Variants in ATP9B observed in about 807,000 individuals in gnomAD.
ATP9B encodes the protein probable phospholipid-transporting ATPase IIB.
ATP9B carries 110 observed loss-of-function variants against 146.1 expected under a neutral mutation model. The ratio of observed to expected loss-of-function variants is 0.75; its 90% CI spans 0.65 to 0.88. ATP9B has a LOEUF of 0.88. Among genes scored for constraint, ATP9B ranks in the 40% least tolerant of loss-of-function variants. The pLI, the probability that ATP9B is intolerant of heterozygous loss-of-function variation, is 0.00. For missense variants in ATP9B, 1,499 were observed against 1,496.4 expected, an observed-to-expected ratio of 1.00 and a Z score of -0.03; for synonymous variants, 604 against 569.7, an observed-to-expected ratio of 1.06 and a Z score of -0.86.
At chr18:79,207,603 G>A (rs1432083995) in intron 10 of ATP9B, among the ~76,000 whole-genome samples, 4 of 152,154 alleles carry the variant, frequency 2.6e-5, no homozygotes, top group South Asian at 2.1e-4. Flanking sequence ...GGTTGGTATC[G>A]ATGCTGGTGC....
intron 1 of ATP9B, among the ~76,000 whole-genome samples, chr18:79,077,267 G>A (rs1291488135): frequency 6.6e-6 from 1 of 152,148 alleles, no homozygotes; most frequent in African/African-American, 2.4e-5. Flanking sequence ...GCCTGGTGGT[G>A]GTGGGAGTGG....
Position 79,165,362 on chromosome 18 carries a change from G to GTC in ATP9B, c.778+10809_778+10810dup, listed in dbSNP as rs150518301. Among the ~76,000 whole-genome samples, 1,013 of 152,290 alleles carry GTC rather than the reference G, an allele frequency of 6.7e-3. 9 individuals carry two copies. Among genetic ancestry groups the GTC allele is most frequent in the African/African-American group, 0.023 (971 of 41,558 alleles). On this transcript the variant is annotated intron_variant, in intron 7 of 29. Transcript: ENST00000426216. ...AATATGTCTCTGCTGTGGTGGGCAG[G>GTC]TCTGTCTTCTGCACTGTTGGGTGTT...
chr18:79,167,457 G>A (rs962628501), intron 7 of ATP9B, among the ~76,000 whole-genome samples: 6 of 152,044 alleles, frequency 3.9e-5, no homozygotes, highest in African/African-American at 4.8e-5. Context: ...CAGGCAGGTC[G>A]TTCTGTTGAG....
chr18:79,276,479 C>T (rs975597003), intron 12 of ATP9B, among the ~76,000 whole-genome samples: 6 of 152,252 alleles, frequency 3.9e-5, no homozygotes, highest in African/African-American at 7.2e-5. Context: ...TCCTGAAACA[C>T]GGGAAATATC....
chr18:79,345,236 T>C (rs1250532364), intron 21 of ATP9B, among the ~76,000 whole-genome samples, 192 bp from the exon 22 acceptor site: 2 of 152,166 alleles, frequency 1.3e-5, no homozygotes, highest in Non-Finnish European at 2.9e-5. Context: ...CCATGTTACA[T>C]AGAATTTCTT....
intron 29 of ATP9B, chr18:79,375,853 T>A: frequency 2.0e-6 from 2 of 985,422 alleles, no homozygotes; most frequent in Non-Finnish European, 2.4e-6. Flanking sequence ...CTCTGCTCCA[T>A]AGATCTTTTT....
intron 15 of ATP9B, among the ~76,000 whole-genome samples, chr18:79,322,144 A>G (rs2096719643): frequency 6.6e-6 from 1 of 151,912 alleles, no homozygotes; most frequent in Non-Finnish European, 1.5e-5. Flanking sequence ...GATGCCCTGA[A>G]TTACAGGACT....
In ATP9B at chr18:79,072,458, G is replaced by A. The variant is rs150515630; in HGVS notation, c.119+2929G>A. On this transcript the variant is annotated intron_variant, in intron 1 of 29. Coordinates refer to ENST00000426216, the MANE Select transcript of ATP9B (RefSeq NM_198531.5). ...ACACAGCACATGTTTCAGAGAGCAC[G>A]GGGTTGGGGGTAAGGTTATAGATTA... 3.9e-3 allele frequency among the ~76,000 whole-genome samples: 591 copies of A among 152,266 alleles called. 3 individuals are homozygous for A. Among genetic ancestry groups the A allele is most frequent in the South Asian group, 0.025 (119 of 4,826 alleles).
At position 79,290,313 on chromosome 18, in the gene ATP9B, G is replaced by C. The variant is rs550806286; in HGVS notation, c.1411+13117G>C. ...TGCTTTGTTTACCTAAGCAAGCCTG[G>C]GCAATGGCGGGCGCCCCTCCCCCAG... On this transcript the variant is annotated intron_variant, in intron 13 of 29. Transcript: ENST00000426216. Among the ~76,000 whole-genome samples, 22 of 152,334 alleles carry C rather than the reference G, an allele frequency of 1.4e-4. 1 individual carries two copies. The South Asian group carries it at 4.6e-3, about 32-fold the overall frequency.
intron 12 of ATP9B, among the ~76,000 whole-genome samples, chr18:79,272,017 T>G (rs897576726): frequency 6.6e-6 from 1 of 152,240 alleles, no homozygotes; most frequent in African/African-American, 2.4e-5. Flanking sequence ...TTGTGTGTCT[T>G]TTGGCTGCAT....
Position 79,345,833 on chromosome 18 carries a change from G to C in ATP9B, c.2676G>C (p.Glu892Asp). The C allele has an allele frequency of 6.2e-7, 1 of 1,614,222 alleles. No homozygotes were observed. The highest frequency in any genetic ancestry group is 1.1e-5 in the South Asian group (1 of 91,090). The change falls in exon 23 of 30, where the codon GAG becomes GAC. Residue 892 changes from glutamate (E) to aspartate (D), a missense_variant. Transcript: ENST00000426216. ...CAGCAGACTGTGGGATTGGGATTGA[G>C]GGAAAGGTAGGTTCGCCCTTTTATC... ...IQAADCGIGI[E>D]GKEGKQASLA... is the part of the protein sequence containing the mutation.
intron 5 of ATP9B, among the ~76,000 whole-genome samples, chr18:79,137,497 G>A (rs2094461937): frequency 1.3e-5 from 2 of 152,158 alleles, no homozygotes; most frequent in African/African-American, 4.8e-5. Context: ...CATGGGGTTG[G>A]TTATTCCCCA....
chr18:79,311,790 G>A (rs547288542), intron 15 of ATP9B, among the ~76,000 whole-genome samples: 3 of 152,210 alleles, frequency 2.0e-5, no homozygotes, highest in African/African-American at 7.2e-5. Context: ...ACAGTCCGTC[G>A]CCTTCCTATC....
chr18:79,307,015 T>A lies in ATP9B; in HGVS notation c.1554T>A (p.Thr518=). 3 of 1,614,142 alleles carry A rather than the reference T, an allele frequency of 1.9e-6. No homozygotes were observed. Among genetic ancestry groups the A allele is most frequent in the Non-Finnish European group, 2.5e-6 (3 of 1,179,960 alleles). ...AGTCTCAAGCTGGTGGAAACAATAC[T>A]GGTTCAACTCCACTAAGAAAAGCCC... is the stretch of plus-strand genomic sequence containing the variant. The part of the protein sequence containing the change: ...QMQSQAGGNN[T]GSTPLRKAQS... Residue 518 remains threonine (T), a synonymous_variant, in exon 15 of 30, where the codon ACT becomes ACA. Transcript: ENST00000426216.
chr18:79,280,720 A>G (rs750640696), intron 13 of ATP9B, among the ~76,000 whole-genome samples: 7 of 151,956 alleles, frequency 4.6e-5, no homozygotes, highest in Non-Finnish European at 8.8e-5. Context: ...AAGTTACACA[A>G]ATTTGATACA....
Position 79,149,940 on chromosome 18 carries a change from G to T in ATP9B, c.727-4564G>T, listed in dbSNP as rs565124497. Among the ~76,000 whole-genome samples, 4 of 152,210 alleles carry T rather than the reference G, an allele frequency of 2.6e-5. No individual in the cohort carries two copies. The South Asian group carries it at 8.3e-4, about 32-fold the overall frequency. Reference sequence around the variant, plus strand: ...TACTGAAAATATAAAAATTAGTTGGGTGTGGTAGTGTGCACCTATAGTCCT... The same window carrying T: ...TACTGAAAATATAAAAATTAGTTGGTTGTGGTAGTGTGCACCTATAGTCCT... On this transcript the variant is annotated intron_variant, in intron 6 of 29. Coordinates refer to ENST00000426216, the MANE Select transcript of ATP9B (RefSeq NM_198531.5).
rs56002235 is a variant in ATP9B at position 79,155,753 on chromosome 18, C to CT, written c.778+1225dup. Among the ~76,000 whole-genome samples the CT allele has an allele frequency of 9.9e-3, 730 of 74,082 alleles. 73 individuals are homozygous for CT. Among genetic ancestry groups the CT allele is most frequent in the Middle Eastern group, 0.016 (2 of 126 alleles). 48.6% of individuals were successfully genotyped at this position (74,082 alleles called of 152,430 possible). A position where few individuals can be genotyped will look rare whatever the true frequency, so the allele number is the denominator to read the frequency against. ...GTCAAAGAAGAAACATGTTTTCTCT[C>CT]TTTTTTTTTTTTTTTTTTTTTTTTT... On this transcript the variant is annotated intron_variant, in intron 7 of 29. Coordinates refer to ENST00000426216, the MANE Select transcript of ATP9B (RefSeq NM_198531.5).
chr18:79,291,418 A>G (rs1387691043), intron 13 of ATP9B, among the ~76,000 whole-genome samples: 2 of 152,228 alleles, frequency 1.3e-5, no homozygotes, highest in Admixed American at 1.3e-4. Context: ...GTAAGATTTG[A>G]AAAATAATTT....
intron 8 of ATP9B, among the ~76,000 whole-genome samples, chr18:79,180,470 T>C (rs1173632614): frequency 6.6e-6 from 1 of 152,238 alleles, no homozygotes; most frequent in Admixed American, 6.5e-5. Context: ...TAGATGCCCA[T>C]GGCTTCCTTC....
Sources: gnomAD v4.1 joint callset for allele counts (sites outside exome capture counted in the v4.1 genomes callset) on GRCh38, gnomAD v4.1.1 for gene constraint, MANE v1.5 for transcripts, NCBI Gene and HGNC (gene_info 2026-07-23, HGNC 2026-07-21) for gene names.